The following ADAM28 variants were observed in gnomAD, a reference collection of about 807,000 sequenced individuals.
ADAM28 encodes the protein ADAM metallopeptidase domain 28, also known as disintegrin and metalloproteinase domain-containing protein 28.
A neutral mutation model predicts 101.2 loss-of-function variants in ADAM28; 105 were observed. The ratio of observed to expected loss-of-function variants is 1.04; its 90% CI spans 0.89 to 1.22. ADAM28 has a LOEUF of 1.22. ADAM28 is among the 50% of genes most tolerant of loss of function. The probability of loss-of-function intolerance (pLI) is 0.00; values close to 1 mark genes in which losing one functional copy is unlikely to be tolerated. For synonymous variants in ADAM28, 322 were observed against 310.6 expected (o/e 1.04, Z -0.39); for missense variants, 1,028 against 945.4 (o/e 1.09, Z -1.15).
chr8:24,299,169 G>A (rs1217033102), intron 1 of ADAM28, among the ~76,000 whole-genome samples: 1 of 152,174 alleles, frequency 6.6e-6, no homozygotes, highest in Non-Finnish European at 1.5e-5. Flanking sequence ...CTCCAGCTTG[G>A]TGACAGAGTG....
rs1816722272 is a variant in ADAM28, at chr8:24,356,887, A to C, written c.*2483A>C. The C allele has an allele frequency of 6.6e-6, 1 of 152,198 alleles. No homozygotes were observed. The highest frequency in any genetic ancestry group is 2.4e-5 in the African/African-American group (1 of 41,462). 9.4% of individuals were successfully genotyped at this position (152,198 alleles called of 1,614,324 possible). ...TTATATGGCCTTTGGGAAGGCTTTT[A>C]GCTTTTTATAAAATAATGAAGTATG... is the stretch of plus-strand genomic sequence containing the variant. On this transcript the variant is annotated 3_prime_UTR_variant, in exon 23 of 23. Coordinates refer to ENST00000265769, the MANE Select transcript of ADAM28 (RefSeq NM_014265.6).
At chr8:24,326,409 T>C (rs772277216) in intron 9 of ADAM28, 145 bp from the exon 10 acceptor site, 169 of 658,370 alleles carry the variant, frequency 2.6e-4, no homozygotes, top group Non-Finnish European at 3.2e-4. Context: ...AAATGCCTTA[T>C]GCAAATTCAA....
intron 18 of ADAM28, among the ~76,000 whole-genome samples, chr8:24,347,699 T>C (rs777755609): frequency 5.3e-5 from 8 of 152,116 alleles, no homozygotes; most frequent in Non-Finnish European, 5.9e-5. Context: ...CGTATTATTA[T>C]ATACATACAA....
chr8:24,327,448 G>T (rs186034192), intron 10 of ADAM28, among the ~76,000 whole-genome samples: 2 of 151,988 alleles, frequency 1.3e-5, no homozygotes, highest in Admixed American at 1.3e-4. Flanking sequence ...CAATATCATG[G>T]AAATGGCCAT....
chr8:24,348,898 T>C (rs1235860865), intron 18 of ADAM28, among the ~76,000 whole-genome samples: 1 of 152,210 alleles, frequency 6.6e-6, no homozygotes, highest in Non-Finnish European at 1.5e-5. Context: ...CTGATATTAG[T>C]GCAAGTAAGT....
At chr8:24,331,500 C>G (rs1253905424) in intron 12 of ADAM28, among the ~76,000 whole-genome samples, 173 bp downstream of exon 12, 2 of 152,130 alleles carry the variant, frequency 1.3e-5, no homozygotes, top group African/African-American at 4.8e-5. Flanking sequence ...CCCTGCACTT[C>G]TGAACAGACC....
chr8:24,313,399 G>T lies in ADAM28; in HGVS notation c.395G>T (p.Ser132Ile). Reference protein sequence around the residue: ...STCRGLRGYFSQGDQRYFIEP... With the variant: ...STCRGLRGYFIQGDQRYFIEP... ...TCATGTTTTTTCAGGGGCTACTTCA[G>T]TCAGGGGGATCAAAGATACTTTATT... The change falls in exon 6 of 23, where the codon AGT (serine) becomes ATT (isoleucine). Residue 132 changes from serine (S) to isoleucine (I), a missense_variant. Ser to Ile is a moderately radical substitution (Grantham distance 142). Transcript: ENST00000265769. 1 of 1,611,366 alleles carries T rather than the reference G, an allele frequency of 6.2e-7. No individual in the cohort carries two copies. Among genetic ancestry groups the T allele is most frequent in the African/African-American group, 1.3e-5 (1 of 74,914 alleles).
In ADAM28 at chr8:24,330,179, A is replaced by G. The variant is rs1035501026; in HGVS notation, c.1103+64A>G. ...CTGGTTTTGATCCACTGTGGGCTGT[A>G]CTACTTTAGGTCATCTTCAACAACG... is the stretch of plus-strand genomic sequence containing the variant. On this transcript the variant is annotated intron_variant, in intron 11 of 22. Transcript: ENST00000265769. 80 of 1,536,534 alleles carry G rather than the reference A, an allele frequency of 5.2e-5. No individual in the cohort carries two copies. The East Asian group carries it at 1.7e-3, about 32-fold the overall frequency.
chr8:24,356,294 A>C lies in ADAM28; in HGVS notation c.*1890A>C, dbSNP rs1816680322. 1 of 152,158 alleles carries C rather than the reference A, an allele frequency of 6.6e-6. No homozygotes were observed. The highest frequency in any genetic ancestry group is 1.5e-5 in the Non-Finnish European group (1 of 68,040). The allele number at this position is 152,158 out of a possible 1,614,324, so 9.4% of individuals were successfully genotyped here. A position where few individuals can be genotyped will look rare whatever the true frequency, so the allele number is the denominator to read the frequency against. On this transcript the variant is annotated 3_prime_UTR_variant, in exon 23 of 23. Coordinates refer to ENST00000265769, the MANE Select transcript of ADAM28 (RefSeq NM_014265.6). ...CTGTGTTGTTGTTGTTGTTTTTTAAATATCTGTCCCCAGTAATAGATTCAC... is the reference window on the plus strand; with the variant it reads ...CTGTGTTGTTGTTGTTGTTTTTTAACTATCTGTCCCCAGTAATAGATTCAC...
rs138198846 is a variant in ADAM28 at position 24,315,489 on chromosome 8, C to T, written c.576+1909C>T. ...AAAGAAGTAGAAAGCCTGAACAGAC[C>T]AATAACAAAGAGATTGAAATAGTAA... On this transcript the variant is annotated intron_variant, in intron 6 of 22. Coordinates refer to ENST00000265769, the MANE Select transcript of ADAM28 (RefSeq NM_014265.6). Among the ~76,000 whole-genome samples the T allele has an allele frequency of 1.1e-3, 160 of 151,750 alleles. 1 individual carries two copies. Among genetic ancestry groups the T allele is most frequent in the African/African-American group, 3.4e-3 (140 of 41,434 alleles).
intron 1 of ADAM28, among the ~76,000 whole-genome samples, chr8:24,295,312 CT>C (rs1807814603): frequency 1.3e-5 from 2 of 152,092 alleles, no homozygotes; most frequent in Non-Finnish European, 2.9e-5. Context: ...TCTCTAATGC[CT>C]TTTGCTTTGA....
At chr8:24,304,148 C>T (rs10095681) in intron 2 of ADAM28, among the ~76,000 whole-genome samples, 3,289 of 150,758 alleles carry the variant, frequency 0.022, 133 homozygotes, top group African/African-American at 0.074. Flanking sequence ...GATTTCCTCA[C>T]GACTGTAAAA....
chr8:24,311,407 A>G lies in ADAM28; in HGVS notation c.353A>G (p.Asp118Gly). ...QGHILNEKVS[D>G]ASISTCRGLR... ...CATATTCTTAATGAAAAGGTTTCTG[A>G]CGCTAGCATCAGCACATGTAGGGGT... Residue 118 changes from aspartate (D) to glycine (G), a missense_variant, in exon 5 of 23, where the codon GAC (aspartate) becomes GGC (glycine). Asp to Gly is a moderately conservative substitution (Grantham distance 94, BLOSUM62 -1). Transcript: ENST00000265769. 1 of 1,613,242 alleles carries G rather than the reference A, an allele frequency of 6.2e-7. No individual in the cohort carries two copies. The highest frequency in any genetic ancestry group is 8.5e-7 in the Non-Finnish European group (1 of 1,179,526).
chr8:24,332,406 A>C (rs113972931), intron 12 of ADAM28, among the ~76,000 whole-genome samples: 2 of 152,290 alleles, frequency 1.3e-5, no homozygotes, highest in African/African-American at 4.8e-5. Flanking sequence ...AAAAGAATAG[A>C]TCTTTCCTTA....
chr8:24,354,346 G>A (rs777405522), intron 22 of ADAM28, 38 bp from the exon 23 acceptor site: 26 of 1,499,754 alleles, frequency 1.7e-5, no homozygotes, highest in East Asian at 7.2e-5. Flanking sequence ...CTAAATTTTT[G>A]AAGAAAGTTG....
chr8:24,345,789 C>T (rs1815333742), intron 18 of ADAM28, among the ~76,000 whole-genome samples: 2 of 151,966 alleles, frequency 1.3e-5, no homozygotes, highest in South Asian at 4.1e-4. Flanking sequence ...AAATTTTTAA[C>T]TTGGAGGACT....
chr8:24,331,437 T>G, intron 12 of ADAM28, 110 bp downstream of exon 12: 1 of 1,100,992 alleles, frequency 9.1e-7, no homozygotes, highest in South Asian at 2.1e-5. Flanking sequence ...TTTGGGTAAT[T>G]TTGGGTACGC....
chr8:24,294,262 G>A, intron 1 of ADAM28, 67 bp downstream of exon 1: 3 of 1,525,098 alleles, frequency 2.0e-6, no homozygotes, highest in Admixed American at 1.7e-5. Flanking sequence ...TCTCCTAATA[G>A]TTTTATTGTA....
At chr8:24,352,957 T>C (rs1816347429) in intron 21 of ADAM28, among the ~76,000 whole-genome samples, 1 of 152,162 alleles carries the variant, frequency 6.6e-6, no homozygotes, top group Non-Finnish European at 1.5e-5. Flanking sequence ...GAATTTTTAA[T>C]CTCTCACCTG....
Sources: gnomAD v4.1 joint callset for allele counts (sites outside exome capture counted in the v4.1 genomes callset) on GRCh38, gnomAD v4.1.1 for gene constraint, MANE v1.5 for transcripts, NCBI Gene and HGNC (gene_info 2026-07-23, HGNC 2026-07-21) for gene names.